The following DOCK7 variants were observed in gnomAD, a reference collection of about 807,000 sequenced individuals.
DOCK7 encodes the protein dedicator of cytokinesis protein 7.
A neutral mutation model predicts 271.0 loss-of-function variants in DOCK7; 138 were observed. That is an observed-to-expected ratio of 0.51 (90% CI 0.44 to 0.59). The LOEUF (loss-of-function observed/expected upper bound fraction) is 0.59. Among genes scored for constraint, DOCK7 ranks in the 20% least tolerant of loss-of-function variants. The probability of loss-of-function intolerance (pLI) is 0.00; values close to 1 mark genes in which losing one functional copy is unlikely to be tolerated. For synonymous variants in DOCK7, 823 were observed against 876.1 expected (o/e 0.94, Z 1.07); for missense variants, 2,066 against 2,592.4 (o/e 0.80, Z 4.41).
At chr1:62,546,885 C>CT (rs755692695) in intron 22 of DOCK7, among the ~76,000 whole-genome samples, 14 of 152,022 alleles carry the variant, frequency 9.2e-5, no homozygotes, top group Non-Finnish European at 1.6e-4. Context: ...AAAATTATGT[C>CT]TTTTTTGTAT....
chr1:62,555,491 C>T (rs1289679419), intron 21 of DOCK7, among the ~76,000 whole-genome samples: 1 of 152,156 alleles, frequency 6.6e-6, no homozygotes, highest in African/African-American at 2.4e-5. Context: ...TCCTAAACAG[C>T]TGGGATTACA....
intron 17 of DOCK7, 118 bp from the exon 18 acceptor site, chr1:62,577,481 G>A: frequency 4.1e-6 from 2 of 482,224 alleles, no homozygotes; most frequent in Non-Finnish European, 7.1e-6. Context: ...AAACATTAAG[G>A]GATTTAATTA....
chr1:62,584,954 A>G, intron 15 of DOCK7: 3 of 635,056 alleles, frequency 4.7e-6, no homozygotes. Flanking sequence ...ATTATTCTAC[A>G]TATATTACAT....
chr1:62,475,993 G>A (rs1230676860), intron 45 of DOCK7, 50 bp from the exon 46 acceptor site: 8 of 1,602,734 alleles, frequency 5.0e-6, no homozygotes, highest in Non-Finnish European at 6.8e-6. Flanking sequence ...TCATCATTTA[G>A]TCTTTCTCAA....
chr1:62,530,479 T>C (rs1400116850), intron 29 of DOCK7, among the ~76,000 whole-genome samples: 3 of 152,226 alleles, frequency 2.0e-5, no homozygotes, highest in South Asian at 2.1e-4. Flanking sequence ...CTTTAAAAAG[T>C]TGAGATTAGA....
At chr1:62,619,538 CAG>C (rs1557812306) in intron 13 of DOCK7, among the ~76,000 whole-genome samples, 2 of 152,148 alleles carry the variant, frequency 1.3e-5, no homozygotes, top group African/African-American at 4.8e-5. Context: ...CATAATAAAA[CAG>C]AGCAATTATA....
At chr1:62,668,475 G>GTAA (rs1222930890) in intron 1 of DOCK7, among the ~76,000 whole-genome samples, 1 of 152,222 alleles carries the variant, frequency 6.6e-6, no homozygotes, top group Non-Finnish European at 1.5e-5. Context: ...CATGGGCAAG[G>GTAA]TAATACATAA....
chr1:62,455,909 A>G (rs1158568059), intron 49 of DOCK7, among the ~76,000 whole-genome samples: 1 of 152,146 alleles, frequency 6.6e-6, no homozygotes, highest in East Asian at 1.9e-4. Context: ...ATGGATGTTT[A>G]TCATATCAGA....
At chr1:62,674,694 G>A (rs1487918043) in intron 1 of DOCK7, among the ~76,000 whole-genome samples, 3 of 152,050 alleles carry the variant, frequency 2.0e-5, no homozygotes, top group African/African-American at 7.2e-5. Context: ...TGGTGCCAAG[G>A]CAATTCAATT....
chr1:62,513,969 T>C, intron 31 of DOCK7, 71 bp from the exon 32 acceptor site: 1 of 1,401,004 alleles, frequency 7.1e-7, no homozygotes, highest in Non-Finnish European at 9.7e-7. Flanking sequence ...CTATCAACTG[T>C]TTTCTTCTAA....
At chr1:62,463,939 C>CAA in intron 48 of DOCK7, among the ~76,000 whole-genome samples, 1 of 152,096 alleles carries the variant, frequency 6.6e-6, no homozygotes, top group South Asian at 2.1e-4. Flanking sequence ...TCTTTAACAG[C>CAA]AAATGTTATA....
At chr1:62,492,635 A>G in intron 41 of DOCK7, 69 bp downstream of exon 41, 15 of 1,585,896 alleles carry the variant, frequency 9.5e-6, no homozygotes, top group Non-Finnish European at 1.3e-5. Context: ...GCCAGAGAGA[A>G]TAAATACACA....
chr1:62,500,331 G>C (rs1646745107), intron 37 of DOCK7, among the ~76,000 whole-genome samples: 1 of 152,062 alleles, frequency 6.6e-6, no homozygotes, highest in South Asian at 2.1e-4. Context: ...TTACATGTGA[G>C]CTGGCAAAAG....
intron 25 of DOCK7, 97 bp downstream of exon 25, chr1:62,542,511 G>A: frequency 1.6e-6 from 2 of 1,212,766 alleles, no homozygotes; most frequent in South Asian, 2.9e-5. Context: ...GCGTTAAGAT[G>A]TGCAACAGAA....
intron 48 of DOCK7, among the ~76,000 whole-genome samples, chr1:62,469,416 A>G (rs1645766530): frequency 1.3e-5 from 2 of 152,184 alleles, no homozygotes; most frequent in Non-Finnish European, 2.9e-5. Context: ...ATACAAATCA[A>G]CTCAAGATGG....
chr1:62,640,180 T>G (rs1356454525), intron 7 of DOCK7, among the ~76,000 whole-genome samples: 1 of 152,172 alleles, frequency 6.6e-6, no homozygotes, highest in South Asian at 2.1e-4. Context: ...CCATAAGACA[T>G]TACTAATAAG....
chr1:62,530,408 T>A (rs1645138964), intron 29 of DOCK7, among the ~76,000 whole-genome samples: 1 of 152,210 alleles, frequency 6.6e-6, no homozygotes, highest in Non-Finnish European at 1.5e-5. Flanking sequence ...ATGTCTCCCC[T>A]CATTAGGTTC....
intron 7 of DOCK7, among the ~76,000 whole-genome samples, chr1:62,640,674 A>G (rs1341166675): frequency 6.6e-6 from 1 of 152,174 alleles, no homozygotes; most frequent in African/African-American, 2.4e-5. Flanking sequence ...GTCTATAAAT[A>G]CCCTTTGTAC....
At chr1:62,602,446 A>AC in intron 14 of DOCK7, 2 of 1,399,654 alleles carry the variant, frequency 1.4e-6, no homozygotes, top group South Asian at 2.3e-5. Context: ...AGAACCTCTT[A>AC]TGGACCAGGT....
Sources: gnomAD v4.1 joint callset for allele counts (sites outside exome capture counted in the v4.1 genomes callset) on GRCh38, gnomAD v4.1.1 for gene constraint, MANE v1.5 for transcripts, NCBI Gene and HGNC (gene_info 2026-07-23, HGNC 2026-07-21) for gene names.